Variants in SERINC2 observed in about 807,000 individuals in gnomAD.
The protein encoded by SERINC2 is tumor differentially expressed protein 2.
In SERINC2, 56 loss-of-function variants were observed where a neutral mutation model predicts 54.2. The observed-to-expected ratio is 1.03, with a 90% CI of 0.83 to 1.29. The LOEUF is 1.29. Among genes scored for constraint, SERINC2 ranks in the 50% most tolerant of loss-of-function variants. SERINC2 has a pLI of 0.00. For missense variants in SERINC2, 614 were observed against 607.4 expected, an observed-to-expected ratio of 1.01 and a Z score of -0.12; for synonymous variants, 272 against 253.1, an observed-to-expected ratio of 1.07 and a Z score of -0.71.
chr1:31,429,986 A>T (rs1553134233), intron 8 of SERINC2, among the ~76,000 whole-genome samples: 1 of 152,064 alleles, frequency 6.6e-6, no homozygotes, highest in African/African-American at 2.4e-5. Context: ...AAGGCAGCTC[A>T]TGCTGAAGTT....
At position 31,414,565 on chromosome 1, in the gene SERINC2, AAGAGAGCCTCTCG is replaced by A. The variant is rs566234749; in HGVS notation, c.39+1262_39+1274del. 2.8e-4 allele frequency: 281 copies of A among 986,502 alleles called. 5 individuals are homozygous for A. In the South Asian group the frequency reaches 0.011, roughly 37 times the overall value. 61.1% of individuals were successfully genotyped at this position (986,502 alleles called of 1,614,324 possible). ...ATCAGCATAGACAGCACAGAGAGGC[AAGAGAGCCTCTCG>A]CCTCATTAGGCCTCCATTTTTCGTG... On this transcript the variant is annotated intron_variant, in intron 1 of 9. Coordinates refer to ENST00000373709, the MANE Select transcript of SERINC2 (RefSeq NM_178865.5).
At position 31,433,062 on chromosome 1, in the gene SERINC2, C is replaced by G. The variant is rs781893319; in HGVS notation, c.1109C>G (p.Ala370Gly). 3 of 1,539,976 alleles carry G rather than the reference C, an allele frequency of 1.9e-6. No individual in the cohort carries two copies. The highest frequency in any genetic ancestry group is 2.7e-6 in the Non-Finnish European group (3 of 1,115,556). Residue 370 changes from alanine to glycine, a missense_variant, in exon 9 of 10, where the codon GCA (alanine) becomes GGA (glycine). Ala to Gly is a moderately conservative substitution (Grantham distance 60). Transcript: ENST00000373709. ...LDATQQQQQV[A>G]ACEGRAFDNE... The stretch of plus-strand genomic sequence containing the variant: ...GCCACACAGCAGCAGCAGCAGGTGG[C>G]AGCCTGTGAGGGCCGGGCCTTTGAC...
At chr1:31,411,067 G>A (rs1640640205), upstream of SERINC2, among the ~76,000 whole-genome samples, 1 of 152,186 alleles carries the variant, frequency 6.6e-6, no homozygotes, top group African/African-American at 2.4e-5. Context: ...CATCCAGTAA[G>A]CATTCACTGC....
Position 31,426,817 on chromosome 1 carries a change from G to A in SERINC2, c.774G>A (p.Lys258=), listed in dbSNP as rs2148521303. ...VCVSIAAVLP[K]VQDAQPNSGL... ...TGTCCATCGCTGCTGTCCTGCCCAA[G>A]GTCCAGGTGAGCCTGCCTGACCCCC... Residue 258 remains lysine, a synonymous_variant, in exon 6 of 10, where the codon AAG becomes AAA. Transcript: ENST00000373709. 2 of 1,613,038 alleles carry A rather than the reference G, an allele frequency of 1.2e-6. No homozygotes were observed. The highest frequency in any genetic ancestry group is 1.7e-6 in the Non-Finnish European group (2 of 1,179,346).
intron 8 of SERINC2, among the ~76,000 whole-genome samples, chr1:31,430,512 G>A (rs1021911949): frequency 5.9e-5 from 9 of 151,352 alleles, no homozygotes; most frequent in Admixed American, 5.9e-4. Flanking sequence ...AAAAAAAAAG[G>A]TTTTGTAATT....
upstream of SERINC2, among the ~76,000 whole-genome samples, chr1:31,411,841 T>A (rs1640653711): frequency 6.6e-6 from 1 of 151,572 alleles, no homozygotes; most frequent in African/African-American, 2.4e-5. Flanking sequence ...CTACACAAAA[T>A]TTTTAAAAAA....
chr1:31,432,998 A>C lies in SERINC2; in HGVS notation c.1045A>C (p.Ser349Arg). The change falls in exon 9 of 10, where the codon AGC (serine) becomes CGC (arginine). Residue 349 changes from serine to arginine, a missense_variant. Ser to Arg is a moderately radical substitution (Grantham distance 110, BLOSUM62 -1). Coordinates refer to ENST00000373709, the MANE Select transcript of SERINC2 (RefSeq NM_178865.5). ...LRSSDHRQVNSLMQTEECPPM... is the reference protein window; with the variant it reads ...LRSSDHRQVNRLMQTEECPPM... ...CTCCTCAGACCACCGGCAGGTGAAC[A>C]GCCTGATGCAGACCGAGGAGTGCCC... is the stretch of plus-strand genomic sequence containing the variant. 1.2e-6 allele frequency: 2 copies of C among 1,612,332 alleles called. No homozygotes were observed. The highest frequency in any genetic ancestry group is 3.3e-5 in the Admixed American group (2 of 59,926).
intron 5 of SERINC2, among the ~76,000 whole-genome samples, 186 bp from the exon 6 acceptor site, chr1:31,426,468 A>T (rs1180872139): frequency 2.6e-5 from 4 of 152,158 alleles, no homozygotes; most frequent in African/African-American, 9.7e-5. Context: ...CAAGTGAATC[A>T]TGTTAGCTCA....
At chr1:31,432,010 GAT>G (rs1557500585) in intron 8 of SERINC2, among the ~76,000 whole-genome samples, 8 of 147,186 alleles carry the variant, frequency 5.4e-5, no homozygotes, top group Admixed American at 6.7e-5. Flanking sequence ...GGATAGGGTG[GAT>G]AGGGTGGACA....
intron 8 of SERINC2, among the ~76,000 whole-genome samples, chr1:31,431,124 C>T (rs2148526229): frequency 6.7e-6 from 1 of 149,666 alleles, no homozygotes; most frequent in South Asian, 2.2e-4. Context: ...CCTCCCCCCT[C>T]CTCTCTCTTT....
chr1:31,431,912 A>T (rs1490048812), intron 8 of SERINC2, among the ~76,000 whole-genome samples: 155 of 129,640 alleles, frequency 1.2e-3, no homozygotes, highest in South Asian at 4.8e-3. Flanking sequence ...GATAGGGTGG[A>T]TAGGGTGGTT....
Position 31,423,827 on chromosome 1 carries a change from C to T in SERINC2, c.174C>T (p.Ser58=), listed in dbSNP as rs782067773. Residue 58 remains serine (S), a synonymous_variant, in exon 2 of 10, where the codon AGC becomes AGT. Coordinates refer to ENST00000373709, the MANE Select transcript of SERINC2 (RefSeq NM_178865.5). ...TGCTGGTGTCCATCATTATGCTGAG[C>T]CCGGGCGTGGAGAGTCAGCTCTACA... ...LGVLVSIIML[S]PGVESQLYKL... 4.3e-6 allele frequency: 7 copies of T among 1,614,030 alleles called. No homozygotes were observed. In the Admixed American group the frequency reaches 6.7e-5, roughly 15 times the overall value.
upstream of SERINC2, chr1:31,409,946 A>G: frequency 8.5e-7 from 1 of 1,172,752 alleles, no homozygotes; most frequent in South Asian, 1.5e-5. Flanking sequence ...AGGCCCAGTG[A>G]GATCAGATTA....
chr1:31,433,323 T>C (rs1188956630), intron 9 of SERINC2, 138 bp downstream of exon 9: 2 of 693,340 alleles, frequency 2.9e-6, no homozygotes, highest in African/African-American at 3.5e-5. Context: ...GGACCCTCCA[T>C]AGAGCCTGCC....
At position 31,432,142 on chromosome 1, in the gene SERINC2, G is replaced by A. The variant is rs1360928372; in HGVS notation, c.1014-825G>A. Among the ~76,000 whole-genome samples the A allele has an allele frequency of 1.8e-4, 24 of 135,238 alleles. 3 individuals carry two copies. The highest frequency in any genetic ancestry group is 7.2e-4 in the South Asian group (3 of 4,154). The allele number at this position is 135,238 out of a possible 152,430, so 88.7% of individuals were successfully genotyped here. On this transcript the variant is annotated intron_variant, in intron 8 of 9. Transcript: ENST00000373709. ...GGTTAGGGTGGATAGGGTGGACAGG[G>A]TGGACAGGGTGGACAGGGTGGATAG...
intron 1 of SERINC2, among the ~76,000 whole-genome samples, chr1:31,417,443 T>C (rs1348583559): frequency 6.6e-6 from 1 of 152,206 alleles, no homozygotes; most frequent in African/African-American, 2.4e-5. Flanking sequence ...TCCCTGTAGC[T>C]CTGCATGTGT....
upstream of SERINC2, among the ~76,000 whole-genome samples, chr1:31,410,916 G>A (rs1392880790): frequency 4.6e-5 from 7 of 152,172 alleles, no homozygotes; most frequent in Non-Finnish European, 7.3e-5. Context: ...CATGTGAGGA[G>A]GGCTCACTTG....
At chr1:31,432,012 T>TAGGGTGGAG (rs1641258865) in intron 8 of SERINC2, among the ~76,000 whole-genome samples, 5 of 25,872 alleles carry the variant, frequency 1.9e-4, no homozygotes, top group Non-Finnish European at 3.2e-4. Context: ...ATAGGGTGGA[T>TAGGGTGGAG]AGGGTGGACA....
At chr1:31,426,946 C>G (rs1299789373) in intron 6 of SERINC2, 123 bp downstream of exon 6, 3 of 827,512 alleles carry the variant, frequency 3.6e-6, no homozygotes, top group Non-Finnish European at 5.6e-6. Context: ...TGTGTGGGCT[C>G]CCAGGTCAGC....
Sources: allele counts gnomAD v4.1 joint callset (sites outside exome capture counted in the v4.1 genomes callset), GRCh38; gene constraint gnomAD v4.1.1; transcripts MANE v1.5; gene names NCBI Gene and HGNC (gene_info 2026-07-23, HGNC 2026-07-21).